Variants in CDKAL1 observed in about 807,000 individuals in gnomAD.
The protein encoded by CDKAL1 is threonylcarbamoyladenosine tRNA methylthiotransferase.
In CDKAL1, 32 loss-of-function variants were observed where a neutral mutation model predicts 68.2. The ratio of observed to expected loss-of-function variants is 0.47; its 90% CI spans 0.35 to 0.63. The LOEUF is 0.63. Among genes scored for constraint, CDKAL1 ranks in the 30% least tolerant of loss-of-function variants. The pLI is 0.00. For missense variants in CDKAL1, 606 were observed against 696.7 expected (o/e 0.87, Z 1.47); for synonymous variants, 234 against 244.3 (o/e 0.96, Z 0.39).
intron 11 of CDKAL1, among the ~76,000 whole-genome samples, chr6:21,019,283 T>C (rs1159323168): frequency 6.6e-6 from 1 of 152,188 alleles, no homozygotes; most frequent in Non-Finnish European, 1.5e-5. Flanking sequence ...GCTGGTTTTT[T>C]TGTTTTTTAA....
intron 9 of CDKAL1, among the ~76,000 whole-genome samples, chr6:20,910,916 G>A (rs899267707): frequency 1.3e-5 from 2 of 152,186 alleles, no homozygotes; most frequent in Admixed American, 1.3e-4. Context: ...CCCAAAGATT[G>A]CCAGCAACCC....
intron 9 of CDKAL1, among the ~76,000 whole-genome samples, chr6:20,864,681 G>T (rs1228825321): frequency 6.6e-6 from 1 of 152,126 alleles, no homozygotes; most frequent in African/African-American, 2.4e-5. Context: ...TGGAAACTTG[G>T]ACCAGTGTAT....
At chr6:20,973,404 AAAGC>A (rs1325136282) in intron 10 of CDKAL1, among the ~76,000 whole-genome samples, 2 of 152,110 alleles carry the variant, frequency 1.3e-5, no homozygotes, top group African/African-American at 4.8e-5. Context: ...GGGGAAGGAG[AAAGC>A]TAGCCAGTGA....
chr6:21,200,331 G>A (rs1212369686), intron 14 of CDKAL1, among the ~76,000 whole-genome samples: 5 of 152,226 alleles, frequency 3.3e-5, no homozygotes, highest in African/African-American at 1.2e-4. Flanking sequence ...GATGGAGGTA[G>A]ATTCCCAGGA....
At chr6:20,605,515 G>T (rs1303384121) in intron 4 of CDKAL1, among the ~76,000 whole-genome samples, 1 of 151,800 alleles carries the variant, frequency 6.6e-6, no homozygotes, top group African/African-American at 2.4e-5. Flanking sequence ...TTTTTTACAT[G>T]CCTGGTACTT....
chr6:21,047,663 C>T (rs552051743), intron 11 of CDKAL1, among the ~76,000 whole-genome samples: 1 of 152,190 alleles, frequency 6.6e-6, no homozygotes, highest in Non-Finnish European at 1.5e-5. Flanking sequence ...CCTTGTCCAC[C>T]AGGTGCTTAT....
chr6:21,158,161 C>T lies in CDKAL1; in HGVS notation c.1300-39860C>T, dbSNP rs140236891. ...ACTCTTCTGTTTGTGAATTGCTGTG[C>T]ATATCTGAGGATACGCATGTTAGTG... On this transcript the variant is annotated intron_variant, in intron 13 of 15. Coordinates refer to ENST00000274695, the MANE Select transcript of CDKAL1 (RefSeq NM_017774.3). 9.9e-5 allele frequency among the ~76,000 whole-genome samples: 15 copies of T among 152,272 alleles called. No homozygotes were observed. In the East Asian group the frequency reaches 2.9e-3, roughly 29 times the overall value.
intron 11 of CDKAL1, among the ~76,000 whole-genome samples, chr6:21,016,152 G>GTA (rs145660610): frequency 0.27 from 40,358 of 147,996 alleles, 5,474 homozygotes; most frequent in Middle Eastern, 0.35. Context: ...ATATATATGT[G>GTA]TATATATATA....
At chr6:20,559,311 G>A (rs541859733) in intron 4 of CDKAL1, 10 of 152,194 alleles carry the variant, frequency 6.6e-5, no homozygotes, top group Non-Finnish European at 8.8e-5. Flanking sequence ...GAAAAACCTC[G>A]TTCACTGTTG....
rs539068536 is a variant in CDKAL1 at position 20,946,069 on chromosome 6, T to C, written c.743-9350T>C. ...GTTATTGAGAGCTTTCACTGGCAAG[T>C]ATAATATACATATTGCATAATTATT... On this transcript the variant is annotated intron_variant, in intron 9 of 15. Transcript: ENST00000274695. 3.3e-5 allele frequency among the ~76,000 whole-genome samples: 5 copies of C among 152,360 alleles called. No individual in the cohort carries two copies. The South Asian group carries it at 1.0e-3, about 32-fold the overall frequency.
chr6:20,836,247 A>C (rs1777936395), intron 8 of CDKAL1, among the ~76,000 whole-genome samples: 1 of 152,214 alleles, frequency 6.6e-6, no homozygotes, highest in Non-Finnish European at 1.5e-5. Flanking sequence ...TATGTTACAA[A>C]GGCTATCTGA....
chr6:20,784,139 G>T lies in CDKAL1; in HGVS notation c.638+2874G>T, dbSNP rs572765272. Among the ~76,000 whole-genome samples, 19 of 151,724 alleles carry T rather than the reference G, an allele frequency of 1.3e-4. No individual in the cohort carries two copies. The East Asian group carries it at 3.3e-3, about 27-fold the overall frequency. ...GAGGCAGGGGAATCACTTGAACCTG[G>T]GTGGCAGAGGTTGCAGTGAGCTGAG... On this transcript the variant is annotated intron_variant, in intron 8 of 15. Transcript: ENST00000274695.
intron 4 of CDKAL1, among the ~76,000 whole-genome samples, chr6:20,601,145 G>A (rs138833375): frequency 6.6e-6 from 1 of 152,180 alleles, no homozygotes; most frequent in African/African-American, 2.4e-5. Context: ...GAGAAAATCA[G>A]TGTTATTGAC....
At chr6:21,171,340 G>A (rs1777376459) in intron 13 of CDKAL1, among the ~76,000 whole-genome samples, 3 of 151,978 alleles carry the variant, frequency 2.0e-5, no homozygotes, top group Admixed American at 6.5e-5. Context: ...AGCCTCCCGA[G>A]TAGCTGGGAT....
chr6:20,986,969 C>T (rs978827502), intron 10 of CDKAL1, among the ~76,000 whole-genome samples: 15 of 152,196 alleles, frequency 9.9e-5, no homozygotes, highest in African/African-American at 3.6e-4. Flanking sequence ...ATTAAGACAG[C>T]ACAGTTCATA....
At chr6:20,680,667 GTC>G (rs925071136) in intron 5 of CDKAL1, among the ~76,000 whole-genome samples, 3 of 152,136 alleles carry the variant, frequency 2.0e-5, no homozygotes, top group African/African-American at 7.2e-5. Flanking sequence ...ATCTCCCTCT[GTC>G]TCTGTCTGTG....
chr6:20,859,780 C>G (rs1339360111), intron 9 of CDKAL1, among the ~76,000 whole-genome samples: 1 of 152,188 alleles, frequency 6.6e-6, no homozygotes, highest in Non-Finnish European at 1.5e-5. Flanking sequence ...TTCATCAAAG[C>G]CCATGAGATC....
At chr6:20,755,459 T>C (rs1460261790) in intron 6 of CDKAL1, among the ~76,000 whole-genome samples, 2 of 152,142 alleles carry the variant, frequency 1.3e-5, no homozygotes, top group Non-Finnish European at 2.9e-5. Flanking sequence ...TTTTTTTCTT[T>C]CTCCAACCCC....
chr6:21,093,759 A>T, intron 12 of CDKAL1, among the ~76,000 whole-genome samples: 1 of 122,288 alleles, frequency 8.2e-6, no homozygotes, highest in Non-Finnish European at 1.6e-5. Flanking sequence ...TCTGTCTTCC[A>T]GGCTGGAGTG....
Sources: gnomAD v4.1 joint callset for allele counts (sites outside exome capture counted in the v4.1 genomes callset) on GRCh38, gnomAD v4.1.1 for gene constraint, MANE v1.5 for transcripts, NCBI Gene and HGNC (gene_info 2026-07-23, HGNC 2026-07-21) for gene names.